The following CSMD2 variants were observed in gnomAD, a reference collection of about 807,000 sequenced individuals.
The protein encoded by CSMD2 is CUB and sushi domain-containing protein 2.
A neutral mutation model predicts 398.5 loss-of-function variants in CSMD2; 130 were observed. That is an observed-to-expected ratio of 0.33 (90% CI 0.28 to 0.38). The LOEUF is 0.38. CSMD2 is among the 10% of genes least tolerant of loss of function. The pLI, the probability that CSMD2 is intolerant of heterozygous loss-of-function variation, is 1.00. For synonymous variants in CSMD2, 1,828 were observed against 1,908.5 expected (o/e 0.96, Z 1.10); for missense variants, 3,829 against 4,764.9 (o/e 0.80, Z 5.78).
At chr1:33,579,535 A>C (rs1232311748) in intron 48 of CSMD2, among the ~76,000 whole-genome samples, 3 of 152,078 alleles carry the variant, frequency 2.0e-5, no homozygotes, top group Non-Finnish European at 4.4e-5. Context: ...CCTGAAAGCT[A>C]CACCCAGGGA....
intron 6 of CSMD2, among the ~76,000 whole-genome samples, chr1:33,829,394 CT>C (rs1215051435): frequency 1.3e-5 from 2 of 152,196 alleles, no homozygotes; most frequent in South Asian, 2.1e-4. Context: ...AATGACTTTC[CT>C]TTTTTTATTA....
chr1:33,903,993 G>C (rs898052529), intron 5 of CSMD2, among the ~76,000 whole-genome samples: 2 of 152,320 alleles, frequency 1.3e-5, no homozygotes, highest in South Asian at 2.1e-4. Flanking sequence ...CCACCCTAGG[G>C]ACAGGATGAA....
chr1:33,568,344 T>C (rs1278180768), intron 52 of CSMD2, among the ~76,000 whole-genome samples: 4 of 152,078 alleles, frequency 2.6e-5, no homozygotes, highest in African/African-American at 7.2e-5. Context: ...TCCACCACCA[T>C]ACCCAGCTAA....
chr1:33,743,578 C>T lies in CSMD2; in HGVS notation c.1875G>A (p.Pro625=), dbSNP rs200697809. The T allele has an allele frequency of 8.7e-5, 140 of 1,605,288 alleles. No homozygotes were observed. Among genetic ancestry groups the T allele is most frequent in the South Asian group, 5.1e-4 (46 of 90,472 alleles). ...VFSCFFNFTS[P]SGVVLSPNYP... is the part of the protein sequence containing the mutation. ...AGTTGGGAGACAGGACAACCCCAGA[C>T]GGGCTGGTGAAGTTGAAGAAGCAGG... The change falls in exon 14 of 71, where the codon CCG becomes CCA. Residue 625 remains proline, a synonymous_variant. Transcript: ENST00000373381.
rs1336314519 is a variant in CSMD2, at chr1:33,627,317, A to G, written c.5201-736T>C. Among the ~76,000 whole-genome samples the G allele has an allele frequency of 6.6e-5, 10 of 152,170 alleles. 1 individual carries two copies. The highest frequency in any genetic ancestry group is 6.5e-4 in the Admixed American group (10 of 15,284). ...AGGTATATCTTCTGCTTGGTGCAGT[A>G]CAGATGGGCCAGGGGAGAGACAGCA... On this transcript the variant is annotated intron_variant, in intron 32 of 70. Transcript: ENST00000373381.
At chr1:33,739,389 C>A in intron 14 of CSMD2, 55 bp from the exon 15 acceptor site, 1 of 1,494,380 alleles carries the variant, frequency 6.7e-7, no homozygotes, top group Non-Finnish European at 9.0e-7. Context: ...AGAGAAGAAT[C>A]CCTAAAGAAA....
chr1:33,980,468 T>C (rs1221375378), intron 3 of CSMD2, among the ~76,000 whole-genome samples: 1 of 152,202 alleles, frequency 6.6e-6, no homozygotes, highest in African/African-American at 2.4e-5. Flanking sequence ...AGACAAAGAA[T>C]GATTCATTCA....
chr1:33,960,621 T>C (rs1344611196), intron 3 of CSMD2, among the ~76,000 whole-genome samples: 2 of 152,160 alleles, frequency 1.3e-5, no homozygotes, highest in Non-Finnish European at 2.9e-5. Flanking sequence ...AGTGGAAGCC[T>C]GTGCCAGGCA....
At chr1:33,570,604 C>T (rs1188369953) in intron 51 of CSMD2, among the ~76,000 whole-genome samples, 1 of 152,120 alleles carries the variant, frequency 6.6e-6, no homozygotes, top group East Asian at 1.9e-4. Context: ...TGAGCATATC[C>T]CTATCGTAGT....
chr1:33,963,834 G>T lies in CSMD2; in HGVS notation c.518-27880C>A, dbSNP rs141583568. ...TTGATGGACATTTGCATTATTTCTA[G>T]TTTTCTGTTCTTACAAATAGAACCA... On this transcript the variant is annotated intron_variant, in intron 3 of 70. Coordinates refer to ENST00000373381, the MANE Select transcript of CSMD2 (RefSeq NM_001281956.2). Among the ~76,000 whole-genome samples the T allele has an allele frequency of 2.2e-3, 336 of 152,216 alleles. 2 individuals are homozygous for T. The highest frequency in any genetic ancestry group is 7.6e-3 in the African/African-American group (316 of 41,528).
At chr1:33,792,383 A>C in intron 11 of CSMD2, 40 bp downstream of exon 11, 2 of 1,454,278 alleles carry the variant, frequency 1.4e-6, no homozygotes, top group South Asian at 1.1e-5. Flanking sequence ...AACCCCAGCC[A>C]CCGTCCCACC....
intron 4 of CSMD2, among the ~76,000 whole-genome samples, chr1:33,924,322 T>C (rs1275050142): frequency 6.6e-6 from 1 of 152,198 alleles, no homozygotes; most frequent in African/African-American, 2.4e-5. Context: ...TATGGGCGCA[T>C]GCCACTGCAC....
chr1:33,602,972 G>C (rs577539920), intron 42 of CSMD2, among the ~76,000 whole-genome samples: 152 of 152,326 alleles, frequency 1.0e-3, no homozygotes, highest in African/African-American at 3.6e-3. Flanking sequence ...GCTCTTTCTA[G>C]AGTGGTACTT....
chr1:33,728,647 T>C (rs2149215386), intron 15 of CSMD2, among the ~76,000 whole-genome samples: 1 of 152,228 alleles, frequency 6.6e-6, no homozygotes, highest in Admixed American at 6.5e-5. Flanking sequence ...TGTCTCTAAA[T>C]CCCCCGTGAC....
chr1:33,728,084 GT>G (rs1230006014), intron 15 of CSMD2, among the ~76,000 whole-genome samples: 1 of 152,210 alleles, frequency 6.6e-6, no homozygotes, highest in African/African-American at 2.4e-5. Flanking sequence ...GGGTTAGCAA[GT>G]TGCAGAGCTT....
At chr1:33,946,015 A>T (rs1644826932) in intron 3 of CSMD2, among the ~76,000 whole-genome samples, 1 of 152,216 alleles carries the variant, frequency 6.6e-6, no homozygotes, top group African/African-American at 2.4e-5. Flanking sequence ...TCTATGATAC[A>T]CTGGCTGAGA....
At chr1:34,089,356 C>T (rs539421235) in intron 1 of CSMD2, among the ~76,000 whole-genome samples, 163 bp from the exon 2 acceptor site, 4 of 152,272 alleles carry the variant, frequency 2.6e-5, no homozygotes, top group Non-Finnish European at 5.9e-5. Flanking sequence ...GGGTGACTAA[C>T]GTTGATTGTC....
chr1:33,995,511 T>C (rs1055838077), intron 3 of CSMD2, among the ~76,000 whole-genome samples: 1 of 152,184 alleles, frequency 6.6e-6, no homozygotes, highest in Non-Finnish European at 1.5e-5. Context: ...GGCCTCCTGC[T>C]TCTGGGATAT....
At chr1:34,094,524 C>T (rs1278274628) in intron 1 of CSMD2, among the ~76,000 whole-genome samples, 2 of 152,026 alleles carry the variant, frequency 1.3e-5, no homozygotes, top group African/African-American at 4.8e-5. Flanking sequence ...ATCTCATGTG[C>T]AGAGACACAC....
Sources: allele counts gnomAD v4.1 joint callset (sites outside exome capture counted in the v4.1 genomes callset), GRCh38; gene constraint gnomAD v4.1.1; transcripts MANE v1.5; gene names NCBI Gene and HGNC (gene_info 2026-07-23, HGNC 2026-07-21).